The following LRRFIP2 variants were observed in gnomAD, a reference collection of about 807,000 sequenced individuals.
LRRFIP2 encodes the protein LRR binding FLII interacting protein 2.
A neutral mutation model predicts 125.9 loss-of-function variants in LRRFIP2; 109 were observed. The observed-to-expected ratio is 0.87, with a 90% CI of 0.74 to 1.01. The LOEUF (loss-of-function observed/expected upper bound fraction) is 1.01. Among genes scored for constraint, LRRFIP2 ranks in the 50% least tolerant of loss-of-function variants. The probability of loss-of-function intolerance (pLI) is 0.00; values close to 1 mark genes in which losing one functional copy is unlikely to be tolerated. For synonymous variants in LRRFIP2, 291 were observed against 293.1 expected (o/e 0.99, Z 0.07); for missense variants, 850 against 862.3 (o/e 0.99, Z 0.18).
chr3:37,115,752 G>C (rs997149625), intron 6 of LRRFIP2, among the ~76,000 whole-genome samples: 1 of 152,094 alleles, frequency 6.6e-6, no homozygotes, highest in African/African-American at 2.4e-5. Context: ...TACAAAACTC[G>C]TAAGACCAGA....
In LRRFIP2 at chr3:37,066,341, G is replaced by C; in HGVS notation, c.1465-16C>G. 6.3e-7 allele frequency: 1 copy of C among 1,597,358 alleles called. No homozygotes were observed. The highest frequency in any genetic ancestry group is 1.1e-5 in the South Asian group (1 of 90,766). ...TCTCTAGGGCCTGGTTTTAGGTAAG[G>C]TAGCAAGGGAAACAATGGCACAGAA... On this transcript the variant is annotated splice_polypyrimidine_tract_variant and intron_variant, in intron 21 of 27. Transcript: ENST00000336686.
At chr3:37,110,956 A>C in intron 9 of LRRFIP2, 35 bp downstream of exon 9, 1 of 1,594,614 alleles carries the variant, frequency 6.3e-7, no homozygotes, top group Non-Finnish European at 8.6e-7. Flanking sequence ...TTAAAAGTGA[A>C]TCAAACACAT....
intron 2 of LRRFIP2, among the ~76,000 whole-genome samples, chr3:37,145,982 C>T (rs886956334): frequency 3.3e-5 from 5 of 152,086 alleles, no homozygotes; most frequent in African/African-American, 1.2e-4. Context: ...ATGTAAAATG[C>T]TTAGAATAGT....
intron 17 of LRRFIP2, among the ~76,000 whole-genome samples, chr3:37,094,507 G>A (rs1401290786): frequency 1.3e-5 from 2 of 152,092 alleles, no homozygotes; most frequent in African/African-American, 4.8e-5. Flanking sequence ...GTTTCTGAGA[G>A]AATTACTTTT....
chr3:37,155,124 C>T (rs769883901), intron 1 of LRRFIP2, among the ~76,000 whole-genome samples: 1 of 152,202 alleles, frequency 6.6e-6, no homozygotes, highest in Non-Finnish European at 1.5e-5. Flanking sequence ...ACTACCACTT[C>T]CTGTGTTACC....
rs762434830 is a variant in LRRFIP2, at chr3:37,058,770, G to C, written c.1870+20C>G. ...ACAGTCTATATACAGACTGGGACTGGCCTGTCCCCTGGTACCTACTCTGCA... is the reference window on the plus strand; with the variant it reads ...ACAGTCTATATACAGACTGGGACTGCCCTGTCCCCTGGTACCTACTCTGCA... On this transcript the variant is annotated intron_variant, in intron 25 of 27. Transcript: ENST00000336686. 71 of 1,613,464 alleles carry C rather than the reference G, an allele frequency of 4.4e-5. 1 individual carries two copies. Among genetic ancestry groups the C allele is most frequent in the Non-Finnish European group, 5.5e-5 (65 of 1,179,776 alleles).
chr3:37,157,978 A>C (rs2096245362), intron 1 of LRRFIP2, among the ~76,000 whole-genome samples: 1 of 152,228 alleles, frequency 6.6e-6, no homozygotes, highest in South Asian at 2.1e-4. Flanking sequence ...AACACAACTG[A>C]TAATCTTTCC....
In LRRFIP2 at chr3:37,148,454, G is replaced by C. The variant is rs914816253; in HGVS notation, c.90+440C>G. Among the ~76,000 whole-genome samples the C allele has an allele frequency of 2.6e-5, 4 of 152,154 alleles. No homozygotes were observed. In the East Asian group the frequency reaches 7.7e-4, roughly 29 times the overall value. Reference sequence around the variant, plus strand: ...AGTTTTACCTAGTAGCTGCGGAAACGAACTGCTATAACTCTAAGACTAGTT... The same window carrying C: ...AGTTTTACCTAGTAGCTGCGGAAACCAACTGCTATAACTCTAAGACTAGTT... On this transcript the variant is annotated intron_variant, in intron 2 of 27. Coordinates refer to ENST00000336686, the MANE Select transcript of LRRFIP2 (RefSeq NM_006309.4).
intron 21 of LRRFIP2, among the ~76,000 whole-genome samples, chr3:37,072,521 A>AG (rs2091399091): frequency 6.6e-6 from 1 of 151,496 alleles, no homozygotes; most frequent in Non-Finnish European, 1.5e-5. Flanking sequence ...AAAAAAAAAA[A>AG]AAAAAGAATC....
At chr3:37,153,068 T>C (rs1385758388) in intron 1 of LRRFIP2, among the ~76,000 whole-genome samples, 1 of 152,188 alleles carries the variant, frequency 6.6e-6, no homozygotes, top group Non-Finnish European at 1.5e-5. Context: ...TTTTTCTTAA[T>C]TCTCTAAAAT....
intron 15 of LRRFIP2, among the ~76,000 whole-genome samples, chr3:37,100,390 ACATAC>A (rs1237823058): frequency 1.3e-5 from 2 of 151,930 alleles, no homozygotes; most frequent in Non-Finnish European, 2.9e-5. Flanking sequence ...ATACATACAT[ACATAC>A]ATGTGTATGT....
chr3:37,070,037 T>C (rs1050614002), intron 21 of LRRFIP2, among the ~76,000 whole-genome samples: 1 of 152,084 alleles, frequency 6.6e-6, no homozygotes, highest in Non-Finnish European at 1.5e-5. Context: ...GGTTGTGATA[T>C]TGTACTATAG....
chr3:37,165,717 T>C (rs1217168746), intron 1 of LRRFIP2, among the ~76,000 whole-genome samples: 1 of 148,240 alleles, frequency 6.7e-6, no homozygotes, highest in Non-Finnish European at 1.5e-5. Flanking sequence ...GATTACACCA[T>C]TGCACTCTAG....
chr3:37,154,396 CA>C (rs2096123243), intron 1 of LRRFIP2, among the ~76,000 whole-genome samples: 1 of 152,212 alleles, frequency 6.6e-6, no homozygotes, highest in African/African-American at 2.4e-5. Flanking sequence ...AAAGGACTTG[CA>C]GTAAATTTCT....
chr3:37,157,130 AAAAC>A (rs1157227248), intron 1 of LRRFIP2, among the ~76,000 whole-genome samples: 2 of 152,008 alleles, frequency 1.3e-5, no homozygotes, highest in Non-Finnish European at 2.9e-5. Flanking sequence ...ACCCCGTCTC[AAAAC>A]AAACAAACAA....
Position 37,066,453 on chromosome 3 carries a change from T to C in LRRFIP2, c.1465-128A>G, listed in dbSNP as rs971056902. 1.2e-5 allele frequency: 9 copies of C among 737,794 alleles called. No homozygotes were observed. The Admixed American group carries it at 1.6e-4, about 13-fold the overall frequency. 45.7% of individuals were successfully genotyped at this position (737,794 alleles called of 1,614,324 possible). On this transcript the variant is annotated intron_variant, in intron 21 of 27. Transcript: ENST00000336686. ...AAAAGCAAGAAAGCAGTCAAAAGAT[T>C]GGAAACAAACAGTCAGATATGGGAG...
At chr3:37,116,949 ATAT>A (rs1345905348) in intron 6 of LRRFIP2, among the ~76,000 whole-genome samples, 3 of 152,136 alleles carry the variant, frequency 2.0e-5, no homozygotes, top group African/African-American at 7.2e-5. Flanking sequence ...ACAATAAAAA[ATAT>A]TATTATTGCA....
At chr3:37,168,891 T>C (rs2096547027) in intron 1 of LRRFIP2, among the ~76,000 whole-genome samples, 1 of 152,224 alleles carries the variant, frequency 6.6e-6, no homozygotes, top group Non-Finnish European at 1.5e-5. Flanking sequence ...GTGATCCTCC[T>C]ACCTCAGCCT....
At chr3:37,132,663 A>G (rs957615180) in intron 2 of LRRFIP2, among the ~76,000 whole-genome samples, 1 of 152,212 alleles carries the variant, frequency 6.6e-6, no homozygotes, top group Admixed American at 6.5e-5. Flanking sequence ...TTGAAGCAAC[A>G]TGGATAAGCA....
Sources: allele counts gnomAD v4.1 joint callset (sites outside exome capture counted in the v4.1 genomes callset), GRCh38; gene constraint gnomAD v4.1.1; transcripts MANE v1.5; gene names NCBI Gene and HGNC (gene_info 2026-07-23, HGNC 2026-07-21).